Variants in SMIM7 observed in about 807,000 individuals in gnomAD.
SMIM7 encodes the protein small integral membrane protein 7.
Under a neutral mutation model 13.3 loss-of-function variants are expected in SMIM7, and 12 were observed. The ratio of observed to expected loss-of-function variants is 0.90; its 90% CI spans 0.58 to 1.46. The LOEUF is 1.46. Among genes scored for constraint, SMIM7 ranks in the 40% most tolerant of loss-of-function variants. The probability of loss-of-function intolerance (pLI) is 0.00; values close to 1 mark genes in which losing one functional copy is unlikely to be tolerated. For synonymous variants in SMIM7, 36 were observed against 35.8 expected (o/e 1.01, Z -0.02); for missense variants, 114 against 94.8 (o/e 1.20, Z -0.84).
downstream of SMIM7, among the ~76,000 whole-genome samples, chr19:16,644,236 T>C (rs1017865083): frequency 2.1e-5 from 3 of 143,940 alleles, no homozygotes; most frequent in African/African-American, 7.8e-5. Flanking sequence ...TTATCCTGCC[T>C]CAGCCTCCTG....
intron 4 of SMIM7, among the ~76,000 whole-genome samples, chr19:16,633,014 G>A (rs759953705): frequency 6.6e-6 from 1 of 152,204 alleles, no homozygotes; most frequent in Non-Finnish European, 1.5e-5. Context: ...TAAGTGCCTA[G>A]CAATAGGGGA....
chr19:16,659,234 G>A (rs753934917), intron 3 of SMIM7, 161 bp downstream of exon 3: 34 of 697,094 alleles, frequency 4.9e-5, no homozygotes, highest in Non-Finnish European at 8.1e-5. Context: ...AGTGAGCCAT[G>A]ATCGCACCAC....
At chr19:16,645,824 G>A (rs1469570631), downstream of SMIM7, 1 of 151,976 alleles carries the variant, frequency 6.6e-6, no homozygotes, top group African/African-American at 2.4e-5. Flanking sequence ...ACCATATCTG[G>A]CTAATTTTTC....
In SMIM7 at chr19:16,646,234, T is replaced by A. The variant is rs952563025; in HGVS notation, c.*1012A>T. The A allele has an allele frequency of 1.5e-4, 23 of 152,158 alleles. No homozygotes were observed. The highest frequency in any genetic ancestry group is 5.5e-4 in the African/African-American group (23 of 41,526). 9.4% of individuals were successfully genotyped at this position (152,158 alleles called of 1,614,324 possible). A position where few individuals can be genotyped will look rare whatever the true frequency, so the allele number is the denominator to read the frequency against. ...TTTTTTTCCTTCCTCCAGGTTTACC[T>A]CCAAGTCAGGATTTCAAAAACCACC... is the stretch of plus-strand genomic sequence containing the variant. On this transcript the variant is annotated 3_prime_UTR_variant, in exon 5 of 5. Transcript: ENST00000487416.
intron 3 of SMIM7, 49 bp downstream of exon 3, chr19:16,659,346 C>A: frequency 2.4e-5 from 31 of 1,283,806 alleles, no homozygotes; most frequent in Non-Finnish European, 3.2e-5. Flanking sequence ...CGAAACAGAA[C>A]TGTCCTCTGA....
At chr19:16,652,510 A>G (rs917494557) in intron 4 of SMIM7, 9 of 1,030,418 alleles carry the variant, frequency 8.7e-6, no homozygotes, top group African/African-American at 3.4e-5. Flanking sequence ...CCGTTCCTAC[A>G]ATTTCATGTA....
chr19:16,640,442 C>A (rs1313487345), intron 4 of SMIM7: 1 of 152,182 alleles, frequency 6.6e-6, no homozygotes. Flanking sequence ...TCAAATATTT[C>A]ATAAACTCAA....
chr19:16,652,254 T>G (rs2086536543), intron 4 of SMIM7: 1 of 152,372 alleles, frequency 6.6e-6, no homozygotes, highest in Non-Finnish European at 1.5e-5. Flanking sequence ...CAGGCTGGAG[T>G]GCAGTGGCAG....
intron 3 of SMIM7, among the ~76,000 whole-genome samples, chr19:16,654,372 A>C (rs889349699): frequency 6.6e-6 from 1 of 152,118 alleles, no homozygotes; most frequent in Non-Finnish European, 1.5e-5. Flanking sequence ...CATGTGACCC[A>C]AGTCTGTCCA....
intron 4 of SMIM7, among the ~76,000 whole-genome samples, chr19:16,650,941 G>C (rs898559493): frequency 6.6e-6 from 1 of 152,208 alleles, no homozygotes; most frequent in Admixed American, 6.5e-5. Context: ...CACAGACATA[G>C]TACCCTCCGG....
chr19:16,648,844 T>C (rs1568302852), intron 4 of SMIM7, among the ~76,000 whole-genome samples: 1 of 151,122 alleles, frequency 6.6e-6, no homozygotes, highest in Non-Finnish European at 1.5e-5. Flanking sequence ...CAGTACTTCT[T>C]GTAGAGACAA....
At chr19:16,645,519 G>A (rs892214585), downstream of SMIM7, 2 of 152,160 alleles carry the variant, frequency 1.3e-5, no homozygotes, top group Non-Finnish European at 2.9e-5. Flanking sequence ...GAAATGAATT[G>A]CAGAAGTGAT....
intron 4 of SMIM7, 28 bp downstream of exon 4, chr19:16,654,007 G>A (rs375119537): frequency 2.5e-6 from 4 of 1,599,270 alleles, no homozygotes; most frequent in Non-Finnish European, 3.4e-6. Context: ...AGAGACGACA[G>A]TGAAAGGAAA....
intron 3 of SMIM7, 52 bp from the exon 4 acceptor site, chr19:16,654,177 T>C (rs748572692): frequency 1.9e-5 from 28 of 1,484,606 alleles, no homozygotes; most frequent in Non-Finnish European, 2.6e-5. Flanking sequence ...CCATCCCTAC[T>C]GCCACCTCAG....
intron 4 of SMIM7, among the ~76,000 whole-genome samples, chr19:16,638,178 G>C (rs2086374228): frequency 6.6e-6 from 1 of 151,982 alleles, no homozygotes; most frequent in Non-Finnish European, 1.5e-5. Context: ...GAGGCAGGAA[G>C]AATCACTTAA....
chr19:16,651,574 C>A (rs1013457415), intron 4 of SMIM7, among the ~76,000 whole-genome samples: 1 of 152,176 alleles, frequency 6.6e-6, no homozygotes, highest in Non-Finnish European at 1.5e-5. Context: ...TGGTCACAGA[C>A]TAGCAGATGA....
downstream of SMIM7, chr19:16,645,686 GA>G (rs2086442182): frequency 7.7e-6 from 1 of 129,882 alleles, no homozygotes; most frequent in African/African-American, 3.1e-5. Flanking sequence ...TTTTGAGACA[GA>G]ATCTCATTGT....
At chr19:16,654,387 G>A (rs1355018583) in intron 3 of SMIM7, among the ~76,000 whole-genome samples, 1 of 152,128 alleles carries the variant, frequency 6.6e-6, no homozygotes, top group Non-Finnish European at 1.5e-5. Context: ...TGTCCAATGA[G>A]AGTCCACCCT....
At chr19:16,649,060 A>G (rs1327396147) in intron 4 of SMIM7, among the ~76,000 whole-genome samples, 1 of 152,142 alleles carries the variant, frequency 6.6e-6, no homozygotes. Context: ...TAGGATGACC[A>G]CAGTCAAAAG....
Sources: allele counts gnomAD v4.1 joint callset (sites outside exome capture counted in the v4.1 genomes callset), GRCh38; gene constraint gnomAD v4.1.1; transcripts MANE v1.5; gene names NCBI Gene and HGNC (gene_info 2026-07-23, HGNC 2026-07-21).